CEP63: variants seen among roughly 807,000 people sequenced by gnomAD.
CEP63 encodes centrosomal protein 63.
In CEP63, 84 loss-of-function variants were observed where a neutral mutation model predicts 89.1. The ratio of observed to expected loss-of-function variants is 0.94; its 90% confidence interval spans 0.79 to 1.13. The LOEUF (loss-of-function observed/expected upper bound fraction) is 1.13. CEP63 is among the 50% of genes most tolerant of loss of function. The pLI, the probability that CEP63 is intolerant of heterozygous loss-of-function variation, is 0.00. For missense variants in CEP63, 838 were observed against 813.3 expected, an observed-to-expected ratio of 1.03 and a Z score of -0.37; for synonymous variants, 267 against 272.5, an observed-to-expected ratio of 0.98 and a Z score of 0.20.
At chr3:134,620,743 G>T in the CEP63 span, 3 of 1,605,926 alleles carry the variant, frequency 1.9e-6, no homozygotes, top group Non-Finnish European at 2.6e-6. Context: ...CCACAGGGGG[G>T]CCTACCTATG....
At position 134,507,127 on chromosome 3, in the gene CEP63, T is replaced by C. The variant is rs9827878; in HGVS notation, c.63T>C (p.Cys21=). Residue 21 remains cysteine, a synonymous_variant, in exon 3 of 15, where the codon TGT becomes TGC. Coordinates refer to ENST00000675561, the MANE Select transcript of CEP63 (RefSeq NM_001353108.3). Reference sequence around the variant, plus strand: ...TTTATAGGGGATTTTTGACATCTTGTGAAGCAGAACTACAGGAGCTCATGA... The same window carrying C: ...TTTATAGGGGATTTTTGACATCTTGCGAAGCAGAACTACAGGAGCTCATGA... ...RGHGGGFLTS[C]EAELQELMKQ... 0.16 allele frequency: 265,748 copies of C among 1,612,436 alleles called. 22,464 individuals are homozygous for C. Among genetic ancestry groups the C allele is most frequent in the East Asian group, 0.18 (8,213 of 44,774 alleles).
the CEP63 span, among the ~76,000 whole-genome samples, chr3:134,630,380 G>T: frequency 7.3e-5 from 11 of 150,298 alleles, no homozygotes; most frequent in Non-Finnish European, 1.3e-4. Flanking sequence ...ATAATCCCAA[G>T]AATATGAGGG....
intron 3 of CEP63, among the ~76,000 whole-genome samples, chr3:134,519,368 A>G (rs976082953): frequency 3.3e-5 from 5 of 151,886 alleles, no homozygotes; most frequent in Admixed American, 2.0e-4. Context: ...TTCTGACCTC[A>G]GGTGATCTGC....
chr3:134,698,085 C>T, the CEP63 span, among the ~76,000 whole-genome samples: 1 of 152,318 alleles, frequency 6.6e-6, no homozygotes, highest in South Asian at 2.1e-4. Flanking sequence ...GAGACATGGG[C>T]AGATACCCCG....
chr3:134,588,497 T>G (rs1958532682), downstream of CEP63, among the ~76,000 whole-genome samples: 1 of 152,070 alleles, frequency 6.6e-6, no homozygotes, highest in Admixed American at 6.6e-5. Flanking sequence ...GTGAAAGAAA[T>G]AAATCACAAT....
At chr3:134,608,081 C>G in the CEP63 span, 5 of 1,109,442 alleles carry the variant, frequency 4.5e-6, no homozygotes, top group East Asian at 2.1e-4. Flanking sequence ...GGACTGCCCC[C>G]ACCTGTCCTG....
At chr3:134,575,493 C>A (rs67983303), downstream of CEP63, among the ~76,000 whole-genome samples, 1 of 24,806 alleles carries the variant, frequency 4.0e-5, no homozygotes, top group African/African-American at 1.2e-4. Flanking sequence ...CCCTCCCTCC[C>A]TTTCTTCCTT....
chr3:134,624,986 G>T, the CEP63 span: 2 of 1,391,422 alleles, frequency 1.4e-6, no homozygotes, highest in East Asian at 2.5e-5. Context: ...CTGGGGAGAG[G>T]TTTTGCTGCC....
At chr3:134,520,833 A>G (rs954114772) in intron 3 of CEP63, among the ~76,000 whole-genome samples, 2 of 152,180 alleles carry the variant, frequency 1.3e-5, no homozygotes, top group Non-Finnish European at 2.9e-5. Flanking sequence ...TGGGGGAAAA[A>G]GAAAGATTTT....
At chr3:134,683,069 C>T in the CEP63 span, among the ~76,000 whole-genome samples, 4 of 152,346 alleles carry the variant, frequency 2.6e-5, no homozygotes, top group East Asian at 7.7e-4. Context: ...ATGAGATAGA[C>T]TAGCTGCAGC....
At chr3:134,607,795 G>T in the CEP63 span, 2 of 986,490 alleles carry the variant, frequency 2.0e-6, no homozygotes, top group Non-Finnish European at 2.4e-6. Flanking sequence ...GCTAAGCTGG[G>T]TATCCTATAC....
chr3:134,601,029 C>G, the CEP63 span: 1 of 152,342 alleles, frequency 6.6e-6, no homozygotes, highest in East Asian at 1.9e-4. Context: ...TGGGGGCGCC[C>G]GTGCCATTCC....
the CEP63 span, among the ~76,000 whole-genome samples, chr3:134,672,579 G>T: frequency 6.6e-6 from 1 of 151,972 alleles, no homozygotes; most frequent in Non-Finnish European, 1.5e-5. Context: ...CAGAAATCTG[G>T]CAAAAGGCAG....
chr3:134,486,283 C>T (rs907665227), intron 1 of CEP63, 81 bp downstream of exon 1: 13 of 985,574 alleles, frequency 1.3e-5, no homozygotes, highest in Non-Finnish European at 1.6e-5. Flanking sequence ...AAGGGGCTGC[C>T]GTGTCCTGGT....
the CEP63 span, chr3:134,604,582 G>T: frequency 1.1e-6 from 1 of 933,862 alleles, no homozygotes. Context: ...GACTTATAGA[G>T]CTTGTCTATT....
intron 1 of CEP63, among the ~76,000 whole-genome samples, chr3:134,491,994 A>C (rs1421314138): frequency 6.6e-6 from 1 of 152,086 alleles, no homozygotes; most frequent in Non-Finnish European, 1.5e-5. Context: ...TAGAGGCCTG[A>C]AGTGCTTTCT....
the CEP63 span, among the ~76,000 whole-genome samples, chr3:134,717,694 T>C: frequency 2.0e-5 from 3 of 152,186 alleles, no homozygotes; most frequent in Non-Finnish European, 4.4e-5. Context: ...CTATGCAATA[T>C]GAATTAGGAG....
Position 134,545,644 on chromosome 3 carries a change from A to G in CEP63, c.614A>G (p.Glu205Gly). ...TCTGTGGAACTTTCTAGCCAATCAG[A>G]AATTCAACACTTAAGCAGTAAACTG... is the stretch of plus-strand genomic sequence containing the variant. ...LESVELSSQSEIQHLSSKLER... is the reference protein window; with the variant it reads ...LESVELSSQSGIQHLSSKLER... The change falls in exon 7 of 15, where the codon GAA becomes GGA. Residue 205 changes from glutamate (E) to glycine (G), a missense_variant. Physicochemically the swap from Glu to Gly is moderately conservative, Grantham distance 98. Transcript: ENST00000675561. 6.2e-7 allele frequency: 1 copy of G among 1,614,210 alleles called. No individual in the cohort carries two copies. Among genetic ancestry groups the G allele is most frequent in the East Asian group, 2.2e-5 (1 of 44,872 alleles).
chr3:134,751,556 A>G, the CEP63 span, among the ~76,000 whole-genome samples: 1 of 152,144 alleles, frequency 6.6e-6, no homozygotes, highest in East Asian at 1.9e-4. Flanking sequence ...AACTGGAGCC[A>G]TGGGTGAATG....
Sources: allele counts gnomAD v4.1 joint callset (sites outside exome capture counted in the v4.1 genomes callset), GRCh38; gene constraint gnomAD v4.1.1; transcripts MANE v1.5; gene names NCBI Gene and HGNC (gene_info 2026-07-23, HGNC 2026-07-21).